Variants in STAM observed in about 807,000 individuals in gnomAD.
STAM encodes the protein signal transducing adaptor molecule.
STAM carries 16 observed loss-of-function variants against 63.4 expected under a neutral mutation model. That is an observed-to-expected ratio of 0.25 (90% CI 0.17 to 0.38). The LOEUF (loss-of-function observed/expected upper bound fraction) is 0.38, where lower values mean the gene tolerates loss of function less well. Among genes scored for constraint, STAM ranks in the 10% least tolerant of loss-of-function variants. STAM has a pLI of 1.00. For synonymous variants in STAM, 238 were observed against 223.9 expected, an observed-to-expected ratio of 1.06 and a Z score of -0.56; for missense variants, 636 against 657.1, an observed-to-expected ratio of 0.97 and a Z score of 0.35.
At chr10:17,644,477 G>A in intron 1 of STAM, 98 bp downstream of exon 1, 1 of 1,459,244 alleles carries the variant, frequency 6.9e-7, no homozygotes. Flanking sequence ...CAGGGCCAAG[G>A]AAGAGCTCGC....
intron 1 of STAM, among the ~76,000 whole-genome samples, chr10:17,651,981 A>G (rs1158073289): frequency 1.3e-5 from 2 of 152,198 alleles, no homozygotes; most frequent in African/African-American, 2.4e-5. Flanking sequence ...TGAAAAGACT[A>G]TTGAAATTCA....
intron 6 of STAM, among the ~76,000 whole-genome samples, chr10:17,694,481 C>T (rs1554827186): frequency 6.6e-6 from 1 of 152,116 alleles, no homozygotes; most frequent in African/African-American, 2.4e-5. Flanking sequence ...TATTACATTT[C>T]AGAGCCTGAG....
chr10:17,694,750 A>G (rs1835682193), intron 6 of STAM, among the ~76,000 whole-genome samples: 1 of 152,220 alleles, frequency 6.6e-6, no homozygotes, highest in South Asian at 2.1e-4. Flanking sequence ...GCAGCTAAAA[A>G]AGAAAAGTAG....
intron 2 of STAM, among the ~76,000 whole-genome samples, chr10:17,667,447 A>G (rs944103140): frequency 6.6e-6 from 1 of 152,016 alleles, no homozygotes; most frequent in Admixed American, 6.6e-5. Context: ...TTAAAACGTG[A>G]TCTTGATTTC....
chr10:17,656,243 G>T (rs1206265070), intron 1 of STAM, among the ~76,000 whole-genome samples: 1 of 146,992 alleles, frequency 6.8e-6, no homozygotes, highest in Non-Finnish European at 1.5e-5. Context: ...GCAGTGAGCC[G>T]AGATCGCACC....
At chr10:17,680,630 C>T (rs1375315724) in intron 2 of STAM, among the ~76,000 whole-genome samples, 1 of 152,136 alleles carries the variant, frequency 6.6e-6, no homozygotes, top group African/African-American at 2.4e-5. Flanking sequence ...TGGTCTCACA[C>T]TCCTTGGCTG....
intron 1 of STAM, among the ~76,000 whole-genome samples, chr10:17,652,412 G>T (rs1373264444): frequency 1.3e-5 from 2 of 152,136 alleles, no homozygotes; most frequent in African/African-American, 4.8e-5. Flanking sequence ...TTCTATTTAT[G>T]TGTAGGAAAG....
chr10:17,659,490 A>G (rs1834077228), intron 1 of STAM, among the ~76,000 whole-genome samples: 1 of 100,730 alleles, frequency 9.9e-6, no homozygotes, highest in South Asian at 3.0e-4. Context: ...TTTTTTAAAG[A>G]GATAGGATCT....
intron 4 of STAM, among the ~76,000 whole-genome samples, chr10:17,685,993 T>G (rs139089296): frequency 6.6e-6 from 1 of 152,318 alleles, no homozygotes; most frequent in African/African-American, 2.4e-5. Context: ...CTCATGTTTT[T>G]GGGAAAAATG....
chr10:17,663,284 A>C (rs1834246351), intron 2 of STAM, among the ~76,000 whole-genome samples: 1 of 149,144 alleles, frequency 6.7e-6, no homozygotes, highest in Admixed American at 6.8e-5. Flanking sequence ...ATAGCTTTAA[A>C]AATATTTTTT....
chr10:17,669,190 T>C (rs1370097494), intron 2 of STAM, among the ~76,000 whole-genome samples: 2 of 152,188 alleles, frequency 1.3e-5, no homozygotes, highest in African/African-American at 4.8e-5. Flanking sequence ...ATCGTCCATC[T>C]TTTTTTCTTC....
intron 2 of STAM, among the ~76,000 whole-genome samples, chr10:17,667,333 C>T (rs1554823552): frequency 6.6e-6 from 1 of 152,184 alleles, no homozygotes; most frequent in African/African-American, 2.4e-5. Flanking sequence ...ACGTATTGGT[C>T]AGGTGGCCTT....
chr10:17,705,732 T>C lies in STAM; in HGVS notation c.1200T>C (p.Ser400=), dbSNP rs1459710612. 6.2e-7 allele frequency: 1 copy of C among 1,611,348 alleles called. No homozygotes were observed. Among genetic ancestry groups the C allele is most frequent in the African/African-American group, 1.3e-5 (1 of 74,730 alleles). Residue 400 remains serine, a synonymous_variant, in exon 12 of 14, where the codon TCT becomes TCC. Transcript: ENST00000377524. ...QPYYMQSSGV[S]GSQVYAGPPP... is the part of the protein sequence containing the mutation. ...ATTATATGCAGTCATCTGGTGTTTC[T>C]GGTTCTCAGGTAAGCTTTTAGAAGC...
At chr10:17,651,372 C>T (rs955127020) in intron 1 of STAM, among the ~76,000 whole-genome samples, 3 of 152,154 alleles carry the variant, frequency 2.0e-5, no homozygotes, top group Non-Finnish European at 4.4e-5. Flanking sequence ...CCAATGGATA[C>T]GTTTTAGCTC....
chr10:17,693,186 A>G, intron 5 of STAM, 36 bp from the exon 6 acceptor site: 1 of 1,578,156 alleles, frequency 6.3e-7, no homozygotes, highest in Non-Finnish European at 8.7e-7. Context: ...GAATTTGATA[A>G]CAACCCTCAA....
At chr10:17,644,436 C>T in intron 1 of STAM, 57 bp downstream of exon 1, 3 of 1,605,762 alleles carry the variant, frequency 1.9e-6, no homozygotes, top group Non-Finnish European at 2.6e-6. Context: ...CTCACTCTGC[C>T]AGCCCCTGCC....
Position 17,709,647 on chromosome 10 carries a change from G to A in STAM, c.1385+696G>A, listed in dbSNP as rs1274173277. Among the ~76,000 whole-genome samples the A allele has an allele frequency of 1.1e-4, 17 of 152,024 alleles. No individual in the cohort carries two copies. In the East Asian group the frequency reaches 1.9e-3, roughly 17 times the overall value. Reference sequence around the variant, plus strand: ...GATAGGCTTTTAAGAGTTTACCAACGTGTATTCTAGAAGTTACGACATTCT... The same window carrying A: ...GATAGGCTTTTAAGAGTTTACCAACATGTATTCTAGAAGTTACGACATTCT... On this transcript the variant is annotated intron_variant, in intron 13 of 13. Transcript: ENST00000377524.
At chr10:17,658,831 G>A (rs1834047605) in intron 1 of STAM, among the ~76,000 whole-genome samples, 1 of 152,128 alleles carries the variant, frequency 6.6e-6, no homozygotes, top group Non-Finnish European at 1.5e-5. Context: ...TGTCTAAAAT[G>A]AGTTTCTTAT....
At chr10:17,646,521 A>G (rs999535292) in intron 1 of STAM, among the ~76,000 whole-genome samples, 4 of 152,200 alleles carry the variant, frequency 2.6e-5, no homozygotes, top group Non-Finnish European at 5.9e-5. Context: ...AGGTTGCTAC[A>G]TAGGAGGTGT....
Sources: allele counts gnomAD v4.1 joint callset (sites outside exome capture counted in the v4.1 genomes callset), GRCh38; gene constraint gnomAD v4.1.1; transcripts MANE v1.5; gene names NCBI Gene and HGNC (gene_info 2026-07-23, HGNC 2026-07-21).